The following PMVK variants were observed in gnomAD, a reference collection of about 807,000 sequenced individuals.
PMVK encodes the protein testis tissue sperm-binding protein Li 95mP.
In PMVK, 10 loss-of-function variants were observed where a neutral mutation model predicts 19.0. The ratio of observed to expected loss-of-function variants is 0.53; its 90% confidence interval spans 0.32 to 0.89. PMVK has a LOEUF of 0.89. Ranked by LOEUF, PMVK falls within the 40% of genes least tolerant of loss-of-function variation. PMVK has a pLI of 0.03. For missense variants in PMVK, 222 were observed against 251.1 expected, an observed-to-expected ratio of 0.88 and a Z score of 0.78; for synonymous variants, 108 against 101.6, an observed-to-expected ratio of 1.06 and a Z score of -0.38.
chr1:154,927,467 A>C (rs1159466514), intron 3 of PMVK, among the ~76,000 whole-genome samples: 1 of 150,510 alleles, frequency 6.6e-6, no homozygotes, highest in East Asian at 1.9e-4. Flanking sequence ...AAAAAAAAAA[A>C]AAAAAAAAAC....
chr1:154,940,348 C>G (rs145190477), upstream of PMVK, among the ~76,000 whole-genome samples: 838 of 152,276 alleles, frequency 5.5e-3, 4 homozygotes, highest in Non-Finnish European at 9.1e-3. Flanking sequence ...TGGGGCTGAG[C>G]GAAGGTAAGT....
intron 2 of PMVK, among the ~76,000 whole-genome samples, chr1:154,930,159 GC>G: frequency 6.6e-6 from 1 of 152,346 alleles, no homozygotes; most frequent in Non-Finnish European, 1.5e-5. Flanking sequence ...CTTCCATGGA[GC>G]TTTTAAAAAT....
At chr1:154,925,864 T>C (rs1280406464) in intron 4 of PMVK, among the ~76,000 whole-genome samples, 4 of 152,198 alleles carry the variant, frequency 2.6e-5, no homozygotes, top group Non-Finnish European at 5.9e-5. Flanking sequence ...TGAGCAGCAT[T>C]AGTAGTGGTC....
intron 3 of PMVK, among the ~76,000 whole-genome samples, chr1:154,927,818 T>A (rs995639234): frequency 3.3e-5 from 5 of 152,106 alleles, no homozygotes; most frequent in Non-Finnish European, 7.3e-5. Context: ...TGCTCAAACA[T>A]CATCATATCA....
At chr1:154,933,929 T>C (rs1390010010) in intron 1 of PMVK, among the ~76,000 whole-genome samples, 1 of 152,046 alleles carries the variant, frequency 6.6e-6, no homozygotes, top group Non-Finnish European at 1.5e-5. Context: ...TGGATCTAGG[T>C]GATACAAATG....
intron 1 of PMVK, among the ~76,000 whole-genome samples, chr1:154,935,887 TTAC>T (rs1187887552): frequency 6.6e-6 from 1 of 152,140 alleles, no homozygotes; most frequent in Non-Finnish European, 1.5e-5. Context: ...GACTAGGGTC[TTAC>T]TGTGTTGCCC....
intron 2 of PMVK, among the ~76,000 whole-genome samples, chr1:154,930,224 C>T (rs1007138888): frequency 3.3e-5 from 5 of 152,132 alleles, no homozygotes; most frequent in African/African-American, 4.8e-5. Context: ...CTTTGGGAGG[C>T]CGAGGCGGGC....
At position 154,925,043 on chromosome 1, in the gene PMVK, G is replaced by A. The variant is rs189602506; in HGVS notation, c.*86C>T. On this transcript the variant is annotated 3_prime_UTR_variant, in exon 5 of 5. Transcript: ENST00000368467. ...ACCCCCCCTGTCTGTTCCTCACCTC[G>A]GCCAGGATCGGGGGACACCCCCATT... The A allele has an allele frequency of 5.2e-5, 57 of 1,093,778 alleles. No individual in the cohort carries two copies. In the East Asian group the frequency reaches 5.9e-4, roughly 11 times the overall value. The allele number at this position is 1,093,778 out of a possible 1,614,324, so 67.8% of individuals were successfully genotyped here.
At chr1:154,935,058 CAAAAAAAAAAAAAA>C (rs569402578) in intron 1 of PMVK, among the ~76,000 whole-genome samples, 2 of 22,264 alleles carry the variant, frequency 9.0e-5, no homozygotes, top group South Asian at 4.1e-3. Flanking sequence ...GACTCCGTCT[CAAAAAAAAAAAAAA>C]AAAAAAAAAA....
chr1:154,925,684 T>C (rs1312201462), intron 4 of PMVK, among the ~76,000 whole-genome samples: 1 of 152,232 alleles, frequency 6.6e-6, no homozygotes, highest in Non-Finnish European at 1.5e-5. Context: ...CAGCTCCTCC[T>C]CTCACTCTTT....
intron 3 of PMVK, among the ~76,000 whole-genome samples, chr1:154,927,334 G>C (rs542403824): frequency 2.4e-4 from 37 of 151,444 alleles, no homozygotes; most frequent in African/African-American, 7.8e-4. Context: ...TGTAATCCCA[G>C]CTACTCGGGA....
intron 2 of PMVK, 71 bp downstream of exon 2, chr1:154,932,281 C>A (rs973939756): frequency 8.7e-5 from 95 of 1,087,668 alleles, no homozygotes; most frequent in Non-Finnish European, 1.3e-4. Flanking sequence ...GTGACTCAGG[C>A]AGCAGCCACA....
Position 154,935,002 on chromosome 1 carries a change from C to T in PMVK, c.95+1589G>A, listed in dbSNP as rs373785455. Among the ~76,000 whole-genome samples the T allele has an allele frequency of 5.1e-4, 64 of 126,028 alleles. No homozygotes were observed. The South Asian group carries it at 0.016, about 32-fold the overall frequency. The allele number at this position is 126,028 out of a possible 152,430, so 82.7% of individuals were successfully genotyped here. A position where few individuals can be genotyped will look rare whatever the true frequency, so the allele number is the denominator to read the frequency against. The stretch of plus-strand genomic sequence containing the variant: ...GCTTGAACCCAGGAGACAGAGGTTG[C>T]GGTGAGCCGCAACCTGGGTGCGCTC... On this transcript the variant is annotated intron_variant, in intron 1 of 4. Transcript: ENST00000368467.
intron 3 of PMVK, among the ~76,000 whole-genome samples, chr1:154,928,378 G>C (rs748820456): frequency 3.3e-5 from 5 of 152,230 alleles, no homozygotes; most frequent in Non-Finnish European, 5.9e-5. Context: ...ACAAGGCCCA[G>C]AAGTTCATGT....
At chr1:154,925,515 G>A (rs1270137875) in intron 4 of PMVK, among the ~76,000 whole-genome samples, 1 of 152,228 alleles carries the variant, frequency 6.6e-6, no homozygotes, top group Non-Finnish European at 1.5e-5. Flanking sequence ...TGCCTACAGA[G>A]GGTGAATCGG....
At chr1:154,940,548 C>T (rs1654621284), upstream of PMVK, among the ~76,000 whole-genome samples, 1 of 152,210 alleles carries the variant, frequency 6.6e-6, no homozygotes, top group Non-Finnish European at 1.5e-5. Context: ...AACACCCTTA[C>T]CTCAGGCCTC....
chr1:154,935,197 A>G (rs980454165), intron 1 of PMVK, among the ~76,000 whole-genome samples: 1 of 151,706 alleles, frequency 6.6e-6, no homozygotes, highest in African/African-American at 2.4e-5. Context: ...TCGGACCACT[A>G]TTTGACGTCA....
At chr1:154,929,227 C>T (rs1654264742) in intron 2 of PMVK, 51 bp from the exon 3 acceptor site, 1 of 1,590,056 alleles carries the variant, frequency 6.3e-7, no homozygotes, top group Non-Finnish European at 8.6e-7. Context: ...CCTCAGTGGT[C>T]TCTCCTAAAA....
chr1:154,936,937 TGAA>T, upstream of PMVK: 1 of 500,768 alleles, frequency 2.0e-6, no homozygotes, highest in South Asian at 2.0e-5. Context: ...CCTCCCCTCG[TGAA>T]GCTCCCCCAC....
Sources: gnomAD v4.1 joint callset for allele counts (sites outside exome capture counted in the v4.1 genomes callset) on GRCh38, gnomAD v4.1.1 for gene constraint, MANE v1.5 for transcripts, NCBI Gene and HGNC (gene_info 2026-07-23, HGNC 2026-07-21) for gene names.